Variants in CCDC7 observed in about 807,000 individuals in gnomAD.
CCDC7 encodes coiled-coil domain-containing protein 7.
CCDC7 carries 183 observed loss-of-function variants against 196.9 expected under a neutral mutation model. The observed-to-expected ratio is 0.93, with a 90% CI of 0.82 to 1.05. The LOEUF (loss-of-function observed/expected upper bound fraction) is 1.05. CCDC7 is among the 50% of genes least tolerant of loss of function. The pLI is 0.00. For missense variants in CCDC7, 1,540 were observed against 1,482.2 expected (o/e 1.04, Z -0.64); for synonymous variants, 525 against 484.6 (o/e 1.08, Z -1.10).
intron 28 of CCDC7, among the ~76,000 whole-genome samples, chr10:32,736,042 A>G (rs527455941): frequency 3.3e-5 from 5 of 152,298 alleles, no homozygotes; most frequent in East Asian, 1.9e-4. Context: ...CATCAATAGC[A>G]TACTGTCTTG....
intron 9 of CCDC7, chr10:32,514,209 C>T (rs1168356772): frequency 4.6e-5 from 7 of 152,148 alleles, no homozygotes; most frequent in African/African-American, 1.4e-4. Flanking sequence ...ATTGTATCCC[C>T]TCAAAAGATA....
rs181971291 is a variant in CCDC7 at position 32,805,444 on chromosome 10, G to C, written c.3097+346G>C. 6.6e-3 allele frequency among the ~76,000 whole-genome samples: 1,011 copies of C among 152,274 alleles called. 4 individuals carry two copies. Among genetic ancestry groups the C allele is most frequent in the Non-Finnish European group, 0.011 (753 of 68,008 alleles). The stretch of plus-strand genomic sequence containing the variant: ...ACTTTAAATTTGCAAAAGCGGAAAG[G>C]CTATCTGATGAGTGCAATAAGTAAA... On this transcript the variant is annotated intron_variant, in intron 30 of 41. Transcript: ENST00000639629.
chr10:32,651,453 C>T (rs1030329991), intron 20 of CCDC7, among the ~76,000 whole-genome samples: 4 of 152,076 alleles, frequency 2.6e-5, no homozygotes, highest in African/African-American at 7.2e-5. Flanking sequence ...TTCCTGGTTG[C>T]GTCTAGTCAG....
In CCDC7 at chr10:32,517,926, T is replaced by C. The variant is rs769774207; in HGVS notation, c.873-19T>C. 7.5e-6 allele frequency: 12 copies of C among 1,589,630 alleles called. No homozygotes were observed. In the African/African-American group the frequency reaches 1.1e-4, roughly 14 times the overall value. ...TAAATGTACAATTATAAACACACTT[T>C]TTTTGGTTTATTTTTCAGAGCTGTA... On this transcript the variant is annotated intron_variant, in intron 9 of 41. Transcript: ENST00000639629.
intron 8 of CCDC7, among the ~76,000 whole-genome samples, chr10:32,484,395 G>C (rs964133276): frequency 1.3e-5 from 2 of 152,132 alleles, no homozygotes; most frequent in Non-Finnish European, 2.9e-5. Flanking sequence ...GGAGATTTTG[G>C]GCTGAGACGA....
At chr10:32,559,524 G>A (rs1426156319) in intron 13 of CCDC7, among the ~76,000 whole-genome samples, 11 of 152,230 alleles carry the variant, frequency 7.2e-5, no homozygotes, top group Non-Finnish European at 1.0e-4. Context: ...ATGAAAATCC[G>A]CTGTTGTGCA....
chr10:32,669,665 A>G (rs2073653842), intron 21 of CCDC7, among the ~76,000 whole-genome samples: 1 of 152,086 alleles, frequency 6.6e-6, no homozygotes, highest in African/African-American at 2.4e-5. Context: ...AATTGGTGCC[A>G]TATAGTTATT....
intron 29 of CCDC7, among the ~76,000 whole-genome samples, chr10:32,801,993 A>C (rs942217033): frequency 1.3e-5 from 2 of 152,066 alleles, no homozygotes; most frequent in African/African-American, 4.8e-5. Flanking sequence ...CAATGTCCTC[A>C]CTTTAATAGT....
At position 32,494,117 on chromosome 10, in the gene CCDC7, C is replaced by T. The variant is rs74742540; in HGVS notation, c.872+2120C>T. ...CATATCAAAAAAATCTTTTCCAAGA[C>T]CAATGTCAAGAAGTTTTCACCCTGT... On this transcript the variant is annotated intron_variant, in intron 9 of 41. Transcript: ENST00000639629. 7.9e-3 allele frequency among the ~76,000 whole-genome samples: 1,200 copies of T among 152,230 alleles called. 6 individuals carry two copies. The highest frequency in any genetic ancestry group is 0.02 in the Middle Eastern group (6 of 294).
intron 14 of CCDC7, among the ~76,000 whole-genome samples, chr10:32,566,061 A>G (rs1315114508): frequency 6.6e-6 from 1 of 152,214 alleles, no homozygotes; most frequent in African/African-American, 2.4e-5. Flanking sequence ...AAAAAAAGCT[A>G]TAAGCATTTC....
At chr10:32,454,447 GA>G (rs1323591416) in intron 2 of CCDC7, among the ~76,000 whole-genome samples, 2 of 152,032 alleles carry the variant, frequency 1.3e-5, no homozygotes, top group African/African-American at 4.8e-5. Flanking sequence ...GGTAAGGGTT[GA>G]AAAACTAGCT....
intron 8 of CCDC7, among the ~76,000 whole-genome samples, chr10:32,482,836 T>C (rs2040243178): frequency 6.6e-6 from 1 of 152,230 alleles, no homozygotes; most frequent in Non-Finnish European, 1.5e-5. Flanking sequence ...ACTCATCCTT[T>C]TTTATGGCTG....
chr10:32,522,011 T>C (rs1266170743), intron 11 of CCDC7, among the ~76,000 whole-genome samples: 5 of 152,192 alleles, frequency 3.3e-5, no homozygotes, highest in Admixed American at 3.3e-4. Context: ...ATTGATTGAT[T>C]TGCATATTGT....
At chr10:32,491,448 C>T (rs951712809) in intron 8 of CCDC7, among the ~76,000 whole-genome samples, 2 of 152,064 alleles carry the variant, frequency 1.3e-5, no homozygotes, top group African/African-American at 4.8e-5. Context: ...TTCTTTGATA[C>T]AGTTGTAAAG....
chr10:32,871,907 G>A (rs567485644), intron 41 of CCDC7, among the ~76,000 whole-genome samples: 1 of 152,230 alleles, frequency 6.6e-6, no homozygotes, highest in South Asian at 2.1e-4. Context: ...GTCCTTGAGC[G>A]GTTTTGAGTG....
chr10:32,553,090 G>C (rs2053735848), intron 13 of CCDC7, among the ~76,000 whole-genome samples: 1 of 143,780 alleles, frequency 7.0e-6, no homozygotes, highest in African/African-American at 2.6e-5. Flanking sequence ...CATAATCTCA[G>C]ATTTCTTGGA....
chr10:32,775,513 C>A (rs897125352), intron 28 of CCDC7, among the ~76,000 whole-genome samples: 1 of 151,968 alleles, frequency 6.6e-6, no homozygotes, highest in Non-Finnish European at 1.5e-5. Flanking sequence ...TAGAAAAAAA[C>A]CGTAATGCTC....
At chr10:32,505,876 C>T (rs549913965) in intron 9 of CCDC7, among the ~76,000 whole-genome samples, 161 of 141,206 alleles carry the variant, frequency 1.1e-3, no homozygotes, top group Non-Finnish European at 1.7e-3. Flanking sequence ...AGTTCCCAGA[C>T]GGGGCTGCCA....
intron 2 of CCDC7, among the ~76,000 whole-genome samples, chr10:32,454,262 TGTG>T (rs1353723383): frequency 1.3e-5 from 2 of 152,162 alleles, no homozygotes; most frequent in African/African-American, 2.4e-5. Flanking sequence ...ATATTTTTAT[TGTG>T]GTGGTGATTA....
Sources: gnomAD v4.1 joint callset for allele counts (sites outside exome capture counted in the v4.1 genomes callset) on GRCh38, gnomAD v4.1.1 for gene constraint, MANE v1.5 for transcripts, NCBI Gene and HGNC (gene_info 2026-07-23, HGNC 2026-07-21) for gene names.